PLEKHG1: variants seen among roughly 807,000 people sequenced by gnomAD.
PLEKHG1 encodes pleckstrin homology and RhoGEF domain containing G1.
PLEKHG1 carries 44 observed loss-of-function variants against 100.8 expected under a neutral mutation model. The observed-to-expected ratio is 0.44, with a 90% CI of 0.34 to 0.56. PLEKHG1 has a LOEUF of 0.56. Among genes scored for constraint, PLEKHG1 ranks in the 20% least tolerant of loss-of-function variants. The pLI, the probability that PLEKHG1 is intolerant of heterozygous loss-of-function variation, is 0.01. For missense variants in PLEKHG1, 1,545 were observed against 1,720.9 expected, an observed-to-expected ratio of 0.90 and a Z score of 1.81; for synonymous variants, 640 against 662.5, an observed-to-expected ratio of 0.97 and a Z score of 0.52.
At chr6:150,706,998 CT>C (rs71014517) in intron 3 of PLEKHG1, among the ~76,000 whole-genome samples, 621 of 51,930 alleles carry the variant, frequency 0.012, 8 homozygotes, top group African/African-American at 0.04. Flanking sequence ...TTTTCTTTTT[CT>C]TTTTTTTTTT....
rs115712610 is a variant in PLEKHG1, at chr6:150,621,949, T to C, written c.-203-16131T>C. Among the ~76,000 whole-genome samples the C allele has an allele frequency of 5.4e-3, 816 of 152,344 alleles. 5 individuals carry two copies. Among genetic ancestry groups the C allele is most frequent in the African/African-American group, 0.018 (740 of 41,582 alleles). The stretch of plus-strand genomic sequence containing the variant: ...TACCGTGTTGCGTCCAGAACTGTTG[T>C]GTGAGTTGCAGTTAACCTTGAGCTG... On this transcript the variant is annotated intron_variant, in intron 1 of 3. Coordinates refer to the PLEKHG1 transcript ENST00000367326.
intron 2 of PLEKHG1, among the ~76,000 whole-genome samples, chr6:150,740,185 G>A (rs1782775331): frequency 6.6e-6 from 1 of 152,262 alleles, no homozygotes; most frequent in Non-Finnish European, 1.5e-5. Flanking sequence ...TGGAATCTGA[G>A]TTGGCTTTTG....
chr6:150,701,984 G>T (rs1315723011), intron 3 of PLEKHG1, among the ~76,000 whole-genome samples: 5 of 152,172 alleles, frequency 3.3e-5, no homozygotes, highest in African/African-American at 1.2e-4. Flanking sequence ...ATCGACTGAA[G>T]TTAAAATCTA....
At chr6:150,838,872 T>C (rs1777366494) in intron 15 of PLEKHG1, among the ~76,000 whole-genome samples, 2 of 152,160 alleles carry the variant, frequency 1.3e-5, no homozygotes, top group African/African-American at 4.8e-5. Flanking sequence ...GCTCTGCTTC[T>C]TGGGGATGTG....
chr6:150,809,908 G>A (rs1293753358), intron 10 of PLEKHG1, among the ~76,000 whole-genome samples, 174 bp downstream of exon 11: 3 of 131,996 alleles, frequency 2.3e-5, no homozygotes, highest in Non-Finnish European at 5.0e-5. Context: ...AAAAAAAAGA[G>A]TTTAGAATTA....
intron 3 of PLEKHG1, among the ~76,000 whole-genome samples, chr6:150,777,694 C>G (rs1785065298): frequency 6.7e-6 from 1 of 148,512 alleles, no homozygotes; most frequent in African/African-American, 2.5e-5. Context: ...CTGATGCAGT[C>G]CTGGTGCACA....
intron 10 of PLEKHG1, among the ~76,000 whole-genome samples, chr6:150,817,165 G>C (rs1776006139): frequency 1.3e-5 from 2 of 152,192 alleles, no homozygotes; most frequent in Admixed American, 1.3e-4. Flanking sequence ...CAGTTGAGCT[G>C]ATCATTGAAT....
intron 1 of PLEKHG1, among the ~76,000 whole-genome samples, chr6:150,727,069 A>G (rs1781997693): frequency 6.6e-6 from 1 of 152,154 alleles, no homozygotes; most frequent in South Asian, 2.1e-4. Context: ...CTCTTTGAGT[A>G]ATTCACAGGA....
chr6:150,724,560 T>TTTTCTTTC (rs1781866081), intron 1 of PLEKHG1, among the ~76,000 whole-genome samples: 3 of 51,724 alleles, frequency 5.8e-5, no homozygotes, highest in Non-Finnish European at 2.1e-4. Context: ...TTCTTTTTCT[T>TTTTCTTTC]TTTTTTTTTT....
At chr6:150,759,991 A>G (rs1388862627) in intron 2 of PLEKHG1, among the ~76,000 whole-genome samples, 1 of 152,198 alleles carries the variant, frequency 6.6e-6, no homozygotes, top group Non-Finnish European at 1.5e-5. Context: ...GCCAGTCTCT[A>G]AACAAAAATA....
intron 10 of PLEKHG1, among the ~76,000 whole-genome samples, chr6:150,810,572 GAGAT>G (rs1393077409): frequency 2.1e-5 from 3 of 142,300 alleles, no homozygotes; most frequent in African/African-American, 2.7e-5. Flanking sequence ...AGAAAATTGA[GAGAT>G]AGAATATATA....
At chr6:150,714,427 G>A (rs1562455371) in intron 3 of PLEKHG1, among the ~76,000 whole-genome samples, 1 of 152,182 alleles carries the variant, frequency 6.6e-6, no homozygotes, top group East Asian at 1.9e-4. Context: ...AGATTTTAGA[G>A]TCTGGAACGT....
intron 1 of PLEKHG1, among the ~76,000 whole-genome samples, chr6:150,608,444 ATTC>A (rs1284502733): frequency 6.6e-6 from 1 of 152,206 alleles, no homozygotes; most frequent in African/African-American, 2.4e-5. Context: ...ACAGGTATTT[ATTC>A]TTCTTACAGA....
chr6:150,648,781 T>C (rs1440072824), intron 2 of PLEKHG1, among the ~76,000 whole-genome samples: 2 of 152,172 alleles, frequency 1.3e-5, no homozygotes, highest in Middle Eastern at 3.2e-3. Context: ...TATTAGTTGT[T>C]TAGCCTTTAT....
intron 3 of PLEKHG1, among the ~76,000 whole-genome samples, chr6:150,693,963 G>A (rs988225967): frequency 3.3e-5 from 5 of 152,176 alleles, no homozygotes; most frequent in South Asian, 2.1e-4. Flanking sequence ...CAGCCAAGTC[G>A]GTACAGGCTT....
At chr6:150,758,126 C>A (rs141326024) in intron 2 of PLEKHG1, among the ~76,000 whole-genome samples, 390 of 152,126 alleles carry the variant, frequency 2.6e-3, no homozygotes, top group Non-Finnish European at 4.2e-3. Flanking sequence ...TTGTGAATAG[C>A]GCTGCATTGA....
At chr6:150,645,958 C>T (rs368408069) in intron 2 of PLEKHG1, among the ~76,000 whole-genome samples, 51 of 152,216 alleles carry the variant, frequency 3.4e-4, no homozygotes, top group African/African-American at 1.1e-3. Context: ...GGAATAAAAC[C>T]CAAACTGGAT....
intron 1 of PLEKHG1, among the ~76,000 whole-genome samples, chr6:150,619,470 T>G (rs188879500): frequency 1.5e-3 from 224 of 152,312 alleles, no homozygotes; most frequent in African/African-American, 5.2e-3. Flanking sequence ...CCTGCTGCCT[T>G]GGAGGGCAAT....
chr6:150,741,740 T>C (rs1466543815), intron 2 of PLEKHG1, among the ~76,000 whole-genome samples: 1 of 152,212 alleles, frequency 6.6e-6, no homozygotes, highest in Non-Finnish European at 1.5e-5. Context: ...CCCACTGCTT[T>C]CACTGCATAC....
Sources: gnomAD v4.1 joint callset for allele counts (sites outside exome capture counted in the v4.1 genomes callset) on GRCh38, gnomAD v4.1.1 for gene constraint, MANE v1.5 for transcripts, NCBI Gene and HGNC (gene_info 2026-07-23, HGNC 2026-07-21) for gene names.